The following PARD3 variants were observed in gnomAD, a reference collection of about 807,000 sequenced individuals.
PARD3 encodes par-3 family cell polarity regulator.
PARD3 carries 75 observed loss-of-function variants against 155.4 expected under a neutral mutation model. That is an observed-to-expected ratio of 0.48 (90% CI 0.40 to 0.58). The LOEUF (loss-of-function observed/expected upper bound fraction) is 0.58. Among genes scored for constraint, PARD3 ranks in the 20% least tolerant of loss-of-function variants. PARD3 has a pLI of 0.00. For synonymous variants in PARD3, 576 were observed against 610.5 expected, an observed-to-expected ratio of 0.94 and a Z score of 0.83; for missense variants, 1,642 against 1,721.7, an observed-to-expected ratio of 0.95 and a Z score of 0.82.
intron 2 of PARD3, among the ~76,000 whole-genome samples, chr10:34,688,713 T>C (rs1459444736): frequency 6.6e-6 from 1 of 152,198 alleles, no homozygotes; most frequent in Non-Finnish European, 1.5e-5. Flanking sequence ...GAGAACTGTA[T>C]AGGCACTAAC....
chr10:34,141,020 A>G (rs1280929848), intron 22 of PARD3, among the ~76,000 whole-genome samples: 1 of 152,192 alleles, frequency 6.6e-6, no homozygotes, highest in Non-Finnish European at 1.5e-5. Context: ...GTTGGTAAAT[A>G]TCTTGTTATA....
Position 34,245,245 on chromosome 10 carries a change from G to A in PARD3, c.3419+24412C>T, listed in dbSNP as rs533195381. On this transcript the variant is annotated intron_variant, in intron 22 of 24. Coordinates refer to ENST00000374788, the MANE Select transcript of PARD3 (RefSeq NM_001184785.2). ...ATTGGAGAATCAGGAGAGGGCTGCA[G>A]CAGGGCGTTCCACACTGATGAGAAG... 2.6e-5 allele frequency among the ~76,000 whole-genome samples: 4 copies of A among 152,278 alleles called. No individual in the cohort carries two copies. The South Asian group carries it at 6.2e-4, about 24-fold the overall frequency.
chr10:34,540,330 TAA>T (rs554974256), intron 2 of PARD3, among the ~76,000 whole-genome samples: 24 of 144,292 alleles, frequency 1.7e-4, no homozygotes, highest in African/African-American at 5.5e-4. Flanking sequence ...CACACTATAT[TAA>T]AAAAAAAAAA....
intron 22 of PARD3, among the ~76,000 whole-genome samples, chr10:34,218,147 C>A (rs1952099203): frequency 6.6e-6 from 1 of 152,154 alleles, no homozygotes; most frequent in Non-Finnish European, 1.5e-5. Context: ...GGTCTTTTAA[C>A]CTTCAGATGC....
At chr10:34,323,828 C>G (rs978296226) in intron 19 of PARD3, among the ~76,000 whole-genome samples, 1 of 152,190 alleles carries the variant, frequency 6.6e-6, no homozygotes, top group African/African-American at 2.4e-5. Context: ...TCTGAACCTT[C>G]GCAAATTCGC....
chr10:34,778,506 A>G (rs555480614), intron 1 of PARD3, among the ~76,000 whole-genome samples: 1 of 152,332 alleles, frequency 6.6e-6, no homozygotes, highest in Non-Finnish European at 1.5e-5. Context: ...ATGCAGCAAC[A>G]ATCAGGCCAA....
chr10:34,617,186 T>C (rs2091314795), intron 2 of PARD3, among the ~76,000 whole-genome samples: 1 of 150,932 alleles, frequency 6.6e-6, no homozygotes, highest in South Asian at 2.1e-4. Context: ...ACACGGGAGG[T>C]GGAGGCTGCA....
chr10:34,537,798 T>A (rs1273716020), intron 2 of PARD3, among the ~76,000 whole-genome samples: 1 of 152,204 alleles, frequency 6.6e-6, no homozygotes, highest in Non-Finnish European at 1.5e-5. Flanking sequence ...CACATTAGTG[T>A]TTATGGTGAA....
chr10:34,355,820 G>A (rs1283807818), intron 14 of PARD3, among the ~76,000 whole-genome samples: 1 of 150,164 alleles, frequency 6.7e-6, no homozygotes, highest in Non-Finnish European at 1.5e-5. Flanking sequence ...AGCTACTCAC[G>A]AGGCTGAGGC....
intron 2 of PARD3, among the ~76,000 whole-genome samples, chr10:34,567,642 A>G (rs1228133546): frequency 6.6e-6 from 1 of 152,260 alleles, no homozygotes; most frequent in African/African-American, 2.4e-5. Context: ...ACAGAGAGAT[A>G]CAAACATCAG....
rs1026071311 is a variant in PARD3 at position 34,111,576 on chromosome 10, C to A, written c.3669-14G>T. ...TTCCTGCTTTGCCTAGAAAGCAAAA[C>A]CCAAAGGTTAGTGTGAGGGTAGGAA... On this transcript the variant is annotated splice_polypyrimidine_tract_variant and intron_variant, in intron 24 of 24. Coordinates refer to ENST00000374788, the MANE Select transcript of PARD3 (RefSeq NM_001184785.2). 3 of 1,583,154 alleles carry A rather than the reference C, an allele frequency of 1.9e-6. No homozygotes were observed. The African/African-American group carries it at 4.1e-5, about 21-fold the overall frequency.
chr10:34,763,613 T>C (rs1317737253), intron 1 of PARD3, among the ~76,000 whole-genome samples: 1 of 152,156 alleles, frequency 6.6e-6, no homozygotes, highest in Non-Finnish European at 1.5e-5. Context: ...ATGTCACCAC[T>C]CCACCCCACC....
chr10:34,454,235 C>A (rs1236919390), intron 4 of PARD3, among the ~76,000 whole-genome samples: 1 of 152,110 alleles, frequency 6.6e-6, no homozygotes, highest in Non-Finnish European at 1.5e-5. Flanking sequence ...CTACTGCATA[C>A]AATGTGTATC....
At chr10:34,160,841 G>A (rs144429246) in intron 22 of PARD3, among the ~76,000 whole-genome samples, 82 of 152,316 alleles carry the variant, frequency 5.4e-4, no homozygotes, top group African/African-American at 1.8e-3. Flanking sequence ...AAGGAGTGAA[G>A]TGCCTTTGGA....
intron 2 of PARD3, among the ~76,000 whole-genome samples, chr10:34,595,704 T>C (rs1449394392): frequency 1.3e-5 from 2 of 152,152 alleles, no homozygotes; most frequent in African/African-American, 4.8e-5. Flanking sequence ...AGACACAAAA[T>C]AAAATTTTAT....
chr10:34,458,245 C>G (rs2077438537), intron 4 of PARD3, among the ~76,000 whole-genome samples: 1 of 152,012 alleles, frequency 6.6e-6, no homozygotes, highest in African/African-American at 2.4e-5. Context: ...CTCTGTCACC[C>G]AGGCTGGAGT....
intron 1 of PARD3, among the ~76,000 whole-genome samples, chr10:34,715,097 A>C (rs554698775): frequency 6.9e-6 from 1 of 145,764 alleles, no homozygotes; most frequent in Non-Finnish European, 1.5e-5. Flanking sequence ...TTTTTTTAAG[A>C]GACAAGGTCT....
chr10:34,321,801 G>C (rs899644961), intron 19 of PARD3, among the ~76,000 whole-genome samples: 4 of 152,100 alleles, frequency 2.6e-5, no homozygotes, highest in African/African-American at 7.2e-5. Flanking sequence ...GGAAAAGATC[G>C]GGCATTTACG....
intron 22 of PARD3, among the ~76,000 whole-genome samples, chr10:34,233,579 T>G (rs1050584914): frequency 1.3e-5 from 2 of 152,078 alleles, no homozygotes; most frequent in African/African-American, 4.8e-5. Flanking sequence ...ACTCAACACT[T>G]ACAATGCTCT....
Sources: allele counts gnomAD v4.1 joint callset (sites outside exome capture counted in the v4.1 genomes callset), GRCh38; gene constraint gnomAD v4.1.1; transcripts MANE v1.5; gene names NCBI Gene and HGNC (gene_info 2026-07-23, HGNC 2026-07-21).